The following ROR1 variants were observed in gnomAD, a reference collection of about 807,000 sequenced individuals.
ROR1 encodes ROR family WNT receptor 1.
A neutral mutation model predicts 78.8 loss-of-function variants in ROR1; 19 were observed. The observed-to-expected ratio is 0.24, with a 90% CI of 0.17 to 0.35. The LOEUF is 0.35. Among genes scored for constraint, ROR1 ranks in the 10% least tolerant of loss-of-function variants. The pLI, the probability that ROR1 is intolerant of heterozygous loss-of-function variation, is 1.00. For missense variants in ROR1, 917 were observed against 1,177.8 expected, an observed-to-expected ratio of 0.78 and a Z score of 3.24; for synonymous variants, 386 against 433.6, an observed-to-expected ratio of 0.89 and a Z score of 1.36.
rs549741639 is a variant in ROR1, at chr1:63,822,772, G to A, written c.91+48264G>A. On this transcript the variant is annotated intron_variant, in intron 1 of 8. Coordinates refer to ENST00000371079, the MANE Select transcript of ROR1 (RefSeq NM_005012.4). ...TCTTAATCCCTATTGTTGAATTGTT[G>A]GGCATTACTCCTCTCTCTGTTTCAT... Among the ~76,000 whole-genome samples the A allele has an allele frequency of 6.6e-5, 10 of 152,104 alleles. No individual in the cohort carries two copies. In the South Asian group the frequency reaches 1.0e-3, roughly 16 times the overall value.
At position 64,146,001 on chromosome 1, in the gene ROR1, T is replaced by C. The variant is rs137876206; in HGVS notation, c.1174+3351T>C. ...TGTGCTACTTCGGGTTATTGGTTGA[T>C]GTACAGAGGAAACCAAATGAACTGG... On this transcript the variant is annotated intron_variant, in intron 7 of 8. Coordinates refer to ENST00000371079, the MANE Select transcript of ROR1 (RefSeq NM_005012.4). Among the ~76,000 whole-genome samples the C allele has an allele frequency of 2.1e-4, 32 of 152,342 alleles. No homozygotes were observed. The East Asian group carries it at 5.2e-3, about 25-fold the overall frequency.
chr1:63,855,042 G>T (rs1438264605), intron 1 of ROR1, among the ~76,000 whole-genome samples: 1 of 151,676 alleles, frequency 6.6e-6, no homozygotes, highest in Non-Finnish European at 1.5e-5. Flanking sequence ...GTGGTTGATT[G>T]AATCCATGGG....
chr1:63,791,153 C>T (rs1306631383), intron 1 of ROR1, among the ~76,000 whole-genome samples: 5 of 152,252 alleles, frequency 3.3e-5, no homozygotes, highest in Middle Eastern at 3.4e-3. Flanking sequence ...GGGTGCCAGG[C>T]ATTGGGCAGG....
intron 7 of ROR1, among the ~76,000 whole-genome samples, chr1:64,155,887 C>T (rs982187325): frequency 1.3e-5 from 2 of 152,088 alleles, no homozygotes. Context: ...CCATAACATC[C>T]AACAACTGTA....
intron 1 of ROR1, among the ~76,000 whole-genome samples, chr1:63,978,028 C>T (rs955546532): frequency 2.0e-5 from 3 of 152,172 alleles, no homozygotes; most frequent in African/African-American, 7.2e-5. Flanking sequence ...GGACCATCAA[C>T]AACAGGCCCC....
chr1:63,902,557 C>T (rs980198353), intron 1 of ROR1, among the ~76,000 whole-genome samples: 2 of 152,000 alleles, frequency 1.3e-5, no homozygotes, highest in Non-Finnish European at 2.9e-5. Flanking sequence ...ACTCCTGGCT[C>T]CAGCAGTCCT....
At chr1:64,143,626 A>C (rs1159879777) in intron 7 of ROR1, among the ~76,000 whole-genome samples, 2 of 152,214 alleles carry the variant, frequency 1.3e-5, no homozygotes, top group African/African-American at 4.8e-5. Flanking sequence ...CCATTCATTC[A>C]GAATATTTGT....
At chr1:63,797,755 A>C (rs993548540) in intron 1 of ROR1, among the ~76,000 whole-genome samples, 3 of 152,192 alleles carry the variant, frequency 2.0e-5, no homozygotes, top group Non-Finnish European at 2.9e-5. Context: ...TAAACACTCA[A>C]ATGATGTTTG....
intron 2 of ROR1, among the ~76,000 whole-genome samples, chr1:64,024,120 T>C (rs1009007006): frequency 6.6e-6 from 1 of 152,210 alleles, no homozygotes; most frequent in Non-Finnish European, 1.5e-5. Flanking sequence ...TGTGAGTCAA[T>C]TAAATCTCTT....
chr1:64,030,292 T>G (rs928570298), intron 2 of ROR1, among the ~76,000 whole-genome samples: 2 of 152,134 alleles, frequency 1.3e-5, no homozygotes, highest in Non-Finnish European at 2.9e-5. Context: ...GAAAAAATGT[T>G]GCTTGAGGGG....
At chr1:63,883,095 T>G (rs1051141070) in intron 1 of ROR1, among the ~76,000 whole-genome samples, 3 of 152,158 alleles carry the variant, frequency 2.0e-5, no homozygotes, top group African/African-American at 7.2e-5. Context: ...GGGCAAATAA[T>G]AAGTTTCCTG....
intron 2 of ROR1, among the ~76,000 whole-genome samples, chr1:64,035,106 G>T (rs1453048676): frequency 1.3e-5 from 2 of 152,164 alleles, no homozygotes; most frequent in African/African-American, 4.8e-5. Flanking sequence ...GATGAGAAAG[G>T]AGGCTGTGGC....
At position 64,177,880 on chromosome 1, in the gene ROR1, C is replaced by T. The variant is rs959166865; in HGVS notation, c.1839C>T (p.His613=). The T allele has an allele frequency of 1.9e-6, 3 of 1,614,046 alleles. No individual in the cohort carries two copies. In the African/African-American group the frequency reaches 4.0e-5, roughly 22 times the overall value. The change falls in exon 9 of 9, where the codon CAC becomes CAT. Residue 613 remains histidine, a synonymous_variant. Coordinates refer to ENST00000371079, the MANE Select transcript of ROR1 (RefSeq NM_005012.4). ...ACCTGTCTAGTCACTTCTTTGTCCA[C>T]AAGGACCTTGCAGCTCGCAATATTT... ...MEYLSSHFFV[H]KDLAARNILI...
At chr1:64,070,943 G>T (rs1394822350) in intron 4 of ROR1, among the ~76,000 whole-genome samples, 2 of 152,200 alleles carry the variant, frequency 1.3e-5, no homozygotes, top group Non-Finnish European at 2.9e-5. Context: ...CCAAGGGGCT[G>T]ACATTTGAGC....
At chr1:64,119,708 C>T (rs1648457248) in intron 4 of ROR1, among the ~76,000 whole-genome samples, 1 of 151,320 alleles carries the variant, frequency 6.6e-6, no homozygotes, top group African/African-American at 2.4e-5. Context: ...GACCTATATC[C>T]ATGGCACATG....
At chr1:63,983,700 CATT>C (rs1646229104) in intron 1 of ROR1, among the ~76,000 whole-genome samples, 2 of 152,208 alleles carry the variant, frequency 1.3e-5, no homozygotes, top group Non-Finnish European at 2.9e-5. Flanking sequence ...TTTAGCGCCT[CATT>C]GTCCAAAAGG....
In ROR1 at chr1:63,828,544, TAGA is replaced by T. The variant is rs371381925; in HGVS notation, c.91+54039_91+54041del. On this transcript the variant is annotated intron_variant, in intron 1 of 8. Transcript: ENST00000371079. ...TTTCACTACCTGTTTTTTCATTTAGTAGAAGGTTTGCAAAGCAGTTTTCAGTTG... is the reference window on the plus strand; with the variant it reads ...TTTCACTACCTGTTTTTTCATTTAGTAGGTTTGCAAAGCAGTTTTCAGTTG... 1.4e-4 allele frequency among the ~76,000 whole-genome samples: 21 copies of T among 152,284 alleles called. No individual in the cohort carries two copies. In the East Asian group the frequency reaches 1.9e-3, roughly 14 times the overall value.
chr1:64,115,067 C>G (rs959819025), intron 4 of ROR1, among the ~76,000 whole-genome samples: 1 of 151,956 alleles, frequency 6.6e-6, no homozygotes, highest in Admixed American at 6.5e-5. Flanking sequence ...TGGACTCAAG[C>G]AATCCCCCTA....
chr1:64,070,897 G>C (rs1030068960), intron 4 of ROR1, among the ~76,000 whole-genome samples: 2 of 152,168 alleles, frequency 1.3e-5, no homozygotes, highest in Admixed American at 6.5e-5. Context: ...GTAGGAAATG[G>C]GCAACTTTAA....
Sources: gnomAD v4.1 joint callset for allele counts (sites outside exome capture counted in the v4.1 genomes callset) on GRCh38, gnomAD v4.1.1 for gene constraint, MANE v1.5 for transcripts, NCBI Gene and HGNC (gene_info 2026-07-23, HGNC 2026-07-21) for gene names.